The following KCNAB1 variants were observed in gnomAD, a reference collection of about 807,000 sequenced individuals.
KCNAB1 encodes voltage-gated potassium channel subunit beta-1.
A neutral mutation model predicts 64.6 loss-of-function variants in KCNAB1; 35 were observed. The observed-to-expected ratio is 0.54, with a 90% CI of 0.41 to 0.72. The LOEUF is 0.72. KCNAB1 is among the 30% of genes least tolerant of loss of function. KCNAB1 has a pLI of 0.00. For synonymous variants in KCNAB1, 177 were observed against 183.8 expected (o/e 0.96, Z 0.30); for missense variants, 401 against 512.9 (o/e 0.78, Z 2.11).
At chr3:156,392,926 A>G (rs1713153259) in intron 1 of KCNAB1, among the ~76,000 whole-genome samples, 1 of 152,148 alleles carries the variant, frequency 6.6e-6, no homozygotes, top group South Asian at 2.1e-4. Flanking sequence ...ACTTTCTCAT[A>G]GTTTCTTTGT....
At chr3:156,230,308 G>A (rs1716444368) in intron 1 of KCNAB1, among the ~76,000 whole-genome samples, 2 of 152,148 alleles carry the variant, frequency 1.3e-5, no homozygotes, top group South Asian at 4.1e-4. Flanking sequence ...TTACCATTGT[G>A]TTACAATTGC....
chr3:156,169,510 G>A (rs1711825195), intron 1 of KCNAB1, among the ~76,000 whole-genome samples: 1 of 152,126 alleles, frequency 6.6e-6, no homozygotes, highest in Admixed American at 6.5e-5. Flanking sequence ...CTTGCCTTAT[G>A]GGCTCTCTGG....
intron 1 of KCNAB1, among the ~76,000 whole-genome samples, chr3:156,245,864 C>G (rs142784035): frequency 1.3e-5 from 2 of 151,918 alleles, no homozygotes; most frequent in East Asian, 3.9e-4. Flanking sequence ...CATTTAGCAA[C>G]AGAAAAGAGA....
rs142764535 is a variant in KCNAB1 at position 156,461,870 on chromosome 3, C to A, written c.483-1832C>A. On this transcript the variant is annotated intron_variant, in intron 5 of 13. Transcript: ENST00000490337. Reference sequence around the variant, plus strand: ...TAATGTTTATATCAGTTCACAGTTGCCCCCGTGAGACTGGTGAAAAGATAA... The same window carrying A: ...TAATGTTTATATCAGTTCACAGTTGACCCCGTGAGACTGGTGAAAAGATAA... 2.9e-3 allele frequency among the ~76,000 whole-genome samples: 448 copies of A among 152,296 alleles called. 1 individual carries two copies. The highest frequency in any genetic ancestry group is 1.0e-2 in the African/African-American group (414 of 41,570).
At chr3:156,204,748 G>A (rs1389746896) in intron 1 of KCNAB1, among the ~76,000 whole-genome samples, 3 of 152,110 alleles carry the variant, frequency 2.0e-5, no homozygotes, top group Admixed American at 6.6e-5. Flanking sequence ...CACGAGAATC[G>A]TTGGAACCCA....
At chr3:156,382,671 A>G (rs912158400) in intron 1 of KCNAB1, among the ~76,000 whole-genome samples, 4 of 152,126 alleles carry the variant, frequency 2.6e-5, no homozygotes, top group Non-Finnish European at 4.4e-5. Flanking sequence ...GGCCATGGGA[A>G]CAGTTCTGGC....
intron 8 of KCNAB1, among the ~76,000 whole-genome samples, chr3:156,476,772 T>C (rs1172299458): frequency 6.6e-6 from 1 of 152,268 alleles, no homozygotes; most frequent in South Asian, 2.1e-4. Flanking sequence ...AGTGTAGAAA[T>C]GTTCCAGTCA....
rs115751550 is a variant in KCNAB1, at chr3:156,271,303, G to A, written c.276-150313G>A. On this transcript the variant is annotated intron_variant, in intron 1 of 13. Coordinates refer to ENST00000490337, the MANE Select transcript of KCNAB1 (RefSeq NM_172160.3). ...CCCCTATCTCTCTATCTCCTTTTTAGGGCCTATAACTCTTAAATTTGCTCT... is the reference window on the plus strand; with the variant it reads ...CCCCTATCTCTCTATCTCCTTTTTAAGGCCTATAACTCTTAAATTTGCTCT... Among the ~76,000 whole-genome samples, 1,428 of 151,838 alleles carry A rather than the reference G, an allele frequency of 9.4e-3. 26 individuals are homozygous for A. The highest frequency in any genetic ancestry group is 0.033 in the African/African-American group (1,365 of 41,374).
At chr3:156,173,750 T>C (rs922829080) in intron 1 of KCNAB1, among the ~76,000 whole-genome samples, 30 of 152,238 alleles carry the variant, frequency 2.0e-4, no homozygotes, top group African/African-American at 7.2e-4. Flanking sequence ...TTTGTTTCAA[T>C]GTTATTTCTG....
intron 1 of KCNAB1, among the ~76,000 whole-genome samples, chr3:156,133,089 A>G (rs1714097865): frequency 1.3e-5 from 2 of 152,250 alleles, no homozygotes; most frequent in Non-Finnish European, 2.9e-5. Context: ...TTCATATTTA[A>G]TTTGATTACA....
chr3:156,291,878 G>A, intron 1 of KCNAB1: 1 of 1,613,334 alleles, frequency 6.2e-7, no homozygotes. Flanking sequence ...CTGGGGTTCT[G>A]AGAGGGACCG....
intron 1 of KCNAB1, among the ~76,000 whole-genome samples, chr3:156,132,461 C>T (rs539683076): frequency 1.3e-5 from 2 of 152,314 alleles, no homozygotes; most frequent in South Asian, 2.1e-4. Flanking sequence ...GACTCACTTA[C>T]GGCTGGATGA....
intron 1 of KCNAB1, among the ~76,000 whole-genome samples, chr3:156,133,451 C>T (rs144495899): frequency 6.6e-6 from 1 of 152,280 alleles, no homozygotes; most frequent in African/African-American, 2.4e-5. Flanking sequence ...AATATACTTA[C>T]ATTTAAGGAC....
chr3:156,538,845 A>C (rs928170925), downstream of KCNAB1: 4 of 152,238 alleles, frequency 2.6e-5, no homozygotes, highest in African/African-American at 9.6e-5. Flanking sequence ...TAACTACTGA[A>C]GATACCATTT....
At chr3:156,158,807 ACC>A (rs373464472) in intron 1 of KCNAB1, among the ~76,000 whole-genome samples, 1,982 of 152,274 alleles carry the variant, frequency 0.013, 39 homozygotes, top group African/African-American at 0.032. Context: ...TCAGGGTTAC[ACC>A]CTACCTCATT....
At chr3:156,172,036 T>C (rs1712028768) in intron 1 of KCNAB1, among the ~76,000 whole-genome samples, 1 of 152,216 alleles carries the variant, frequency 6.6e-6, no homozygotes, top group Admixed American at 6.5e-5. Context: ...GGACTGGGTT[T>C]TATATTTCTT....
chr3:156,309,894 T>G (rs542711844), intron 1 of KCNAB1, among the ~76,000 whole-genome samples: 2 of 152,352 alleles, frequency 1.3e-5, no homozygotes, highest in African/African-American at 4.8e-5. Flanking sequence ...TTCACAATTC[T>G]AGGAACTAAA....
chr3:156,453,615 C>T (rs1478612132), intron 3 of KCNAB1, among the ~76,000 whole-genome samples: 1 of 152,134 alleles, frequency 6.6e-6, no homozygotes, highest in Admixed American at 6.5e-5. Flanking sequence ...ACAGTACTTA[C>T]CAAAGTGATA....
intron 1 of KCNAB1, among the ~76,000 whole-genome samples, chr3:156,149,001 G>C (rs1231714320): frequency 2.0e-5 from 3 of 152,080 alleles, no homozygotes; most frequent in Admixed American, 6.5e-5. Context: ...TAATACGAAG[G>C]TATCTTTTAT....
Sources: gnomAD v4.1 joint callset for allele counts (sites outside exome capture counted in the v4.1 genomes callset) on GRCh38, gnomAD v4.1.1 for gene constraint, MANE v1.5 for transcripts, NCBI Gene and HGNC (gene_info 2026-07-23, HGNC 2026-07-21) for gene names.